Variants in NUB1 observed in about 807,000 individuals in gnomAD.
NUB1 encodes the protein NEDD8 ultimate buster 1.
In NUB1, 41 loss-of-function variants were observed where a neutral mutation model predicts 77.1. The ratio of observed to expected loss-of-function variants is 0.53; its 90% confidence interval spans 0.41 to 0.69. The LOEUF is 0.69. Among genes scored for constraint, NUB1 ranks in the 30% least tolerant of loss-of-function variants. NUB1 has a pLI of 0.00. For missense variants in NUB1, 643 were observed against 743.8 expected (o/e 0.86, Z 1.58); for synonymous variants, 257 against 281.0 (o/e 0.91, Z 0.85).
At chr7:151,346,397 G>A (rs1004442179) in intron 2 of NUB1, among the ~76,000 whole-genome samples, 1 of 152,210 alleles carries the variant, frequency 6.6e-6, no homozygotes, top group African/African-American at 2.4e-5. Context: ...TAAGTGGTAA[G>A]CATGATAGGA....
intron 6 of NUB1, 82 bp downstream of exon 6, chr7:151,356,032 A>G: frequency 1.9e-6 from 3 of 1,550,124 alleles, no homozygotes; most frequent in Non-Finnish European, 2.7e-6. Flanking sequence ...CATGGCTCTC[A>G]CTGAGTCTCA....
At chr7:151,361,519 C>T (rs943290926) in intron 8 of NUB1, among the ~76,000 whole-genome samples, 4 of 152,168 alleles carry the variant, frequency 2.6e-5, no homozygotes, top group East Asian at 1.9e-4. Context: ...TCATGGGAAA[C>T]GGTACTAAGA....
At position 151,347,325 on chromosome 7, in the gene NUB1, C is replaced by T. The variant is rs944522990; in HGVS notation, c.118-1748C>T. Among the ~76,000 whole-genome samples, 7 of 152,138 alleles carry T rather than the reference C, an allele frequency of 4.6e-5. No homozygotes were observed. The East Asian group carries it at 1.4e-3, about 29-fold the overall frequency. ...GCTAAGGCAGGAGGATCACTTGAACCCGGGAGTTGGAGACTGTAGTATGCT... is the reference window on the plus strand; with the variant it reads ...GCTAAGGCAGGAGGATCACTTGAACTCGGGAGTTGGAGACTGTAGTATGCT... On this transcript the variant is annotated intron_variant, in intron 2 of 14. Transcript: ENST00000568733.
chr7:151,376,737 G>T lies in NUB1; in HGVS notation c.1595G>T (p.Ser532Ile). ...CAGACCCTTGCTCACAACGGAGGAA[G>T]CCTGCCTCCCGAGCTGCCGCTGTCG... is the stretch of plus-strand genomic sequence containing the variant. The part of the protein sequence containing the change: ...AAQTLAHNGG[S>I]LPPELPLSPE... The change falls in exon 14 of 15, where the codon AGC (serine) becomes ATC (isoleucine). Residue 532 changes from serine (S) to isoleucine (I), a missense_variant. Ser to Ile is a moderately radical substitution (Grantham distance 142). Coordinates refer to ENST00000568733, the MANE Select transcript of NUB1 (RefSeq NM_001243351.2). 6.2e-7 allele frequency: 1 copy of T among 1,600,796 alleles called. No individual in the cohort carries two copies.
intron 5 of NUB1, among the ~76,000 whole-genome samples, chr7:151,353,408 A>G (rs1161225300): frequency 6.6e-6 from 1 of 152,120 alleles, no homozygotes; most frequent in African/African-American, 2.4e-5. Flanking sequence ...GTCTGGAGAC[A>G]TTTGTGGTGC....
chr7:151,360,628 A>AT (rs137968562), intron 8 of NUB1: 21,817 of 156,412 alleles, frequency 0.14, 2,316 homozygotes, highest in African/African-American at 0.31. Flanking sequence ...TTCTGTACTT[A>AT]TTTTTTTTGA....
intron 4 of NUB1, chr7:151,352,313 T>A (rs190495011): frequency 2.8e-6 from 1 of 352,428 alleles, no homozygotes; most frequent in African/African-American, 2.1e-5. Context: ...AAAAGGACCT[T>A]GTCTCCTACA....
chr7:151,376,931 C>T (rs967255870), intron 14 of NUB1, 116 bp from the exon 15 acceptor site: 24 of 1,404,776 alleles, frequency 1.7e-5, no homozygotes, highest in Middle Eastern at 3.7e-4. Flanking sequence ...GTCACCGGGC[C>T]GGCCACCTGG....
At chr7:151,364,150 C>T (rs1330183007) in intron 8 of NUB1, among the ~76,000 whole-genome samples, 2 of 144,486 alleles carry the variant, frequency 1.4e-5, no homozygotes, top group South Asian at 2.5e-4. Flanking sequence ...TGGCCGGGCG[C>T]GGTGGCTCAC....
In NUB1 at chr7:151,344,949, G is replaced by A. The variant is rs1005729169; in HGVS notation, c.-2-399G>A. 3.9e-5 allele frequency among the ~76,000 whole-genome samples: 6 copies of A among 152,100 alleles called. No individual in the cohort carries two copies. The East Asian group carries it at 7.7e-4, about 20-fold the overall frequency. ...CAGGGGGCGGAGCTTGCAGTGAGCCGAGATCGCACCACTGCACTCCAGCCT... is the reference window on the plus strand; with the variant it reads ...CAGGGGGCGGAGCTTGCAGTGAGCCAAGATCGCACCACTGCACTCCAGCCT... On this transcript the variant is annotated intron_variant, in intron 1 of 14. Coordinates refer to ENST00000568733, the MANE Select transcript of NUB1 (RefSeq NM_001243351.2).
In NUB1 at chr7:151,365,258, A is replaced by G. The variant is rs138200453; in HGVS notation, c.801-1681A>G. On this transcript the variant is annotated intron_variant, in intron 8 of 14. Transcript: ENST00000568733. ...AAAGGATGACATGTACCCCTCTAAT[A>G]TGAGACCTCTGCTTTGGGTTTTTTG... 6.3e-4 allele frequency among the ~76,000 whole-genome samples: 96 copies of G among 151,628 alleles called. No individual in the cohort carries two copies. In the East Asian group the frequency reaches 0.016, roughly 26 times the overall value.
Position 151,356,079 on chromosome 7 carries a change from A to G in NUB1, c.599-49A>G. 3.2e-6 allele frequency: 5 copies of G among 1,565,528 alleles called. No individual in the cohort carries two copies. In the South Asian group the frequency reaches 3.3e-5, roughly 10 times the overall value. On this transcript the variant is annotated intron_variant, in intron 6 of 14. Coordinates refer to ENST00000568733, the MANE Select transcript of NUB1 (RefSeq NM_001243351.2). ...TAACATTTTTAAGGCTGTCATCATC[A>G]TAACTGTTTAACATTGAGTTCATGG...
At position 151,363,634 on chromosome 7, in the gene NUB1, A is replaced by T. The variant is rs116449107; in HGVS notation, c.801-3305A>T. On this transcript the variant is annotated intron_variant, in intron 8 of 14. Coordinates refer to ENST00000568733, the MANE Select transcript of NUB1 (RefSeq NM_001243351.2). The stretch of plus-strand genomic sequence containing the variant: ...AAACTATAAACCCCCAGATGCAATG[A>T]CTTTAATGACCCCAAGTACAAGAAA... Among the ~76,000 whole-genome samples, 1,019 of 152,294 alleles carry T rather than the reference A, an allele frequency of 6.7e-3. 10 individuals carry two copies. The highest frequency in any genetic ancestry group is 0.024 in the African/African-American group (987 of 41,546).
intron 9 of NUB1, among the ~76,000 whole-genome samples, chr7:151,367,401 C>CT (rs1240774324): frequency 6.6e-6 from 1 of 152,154 alleles, no homozygotes; most frequent in Non-Finnish European, 1.5e-5. Flanking sequence ...GAGCTGCTGA[C>CT]TTCTTTATAT....
intron 3 of NUB1, chr7:151,351,169 C>G (rs1358461978): frequency 2.3e-6 from 1 of 438,178 alleles, no homozygotes; most frequent in Admixed American, 4.4e-5. Flanking sequence ...ATGTTAAAGA[C>G]GTCCAGCTGT....
chr7:151,351,246 G>A, intron 3 of NUB1, 178 bp from the exon 4 acceptor site: 1 of 599,816 alleles, frequency 1.7e-6, no homozygotes, highest in Non-Finnish European at 3.0e-6. Context: ...AGGACGTGCA[G>A]GTCACAGGGT....
intron 8 of NUB1, among the ~76,000 whole-genome samples, chr7:151,366,517 C>G (rs957505104): frequency 2.8e-4 from 19 of 68,286 alleles, no homozygotes; most frequent in Non-Finnish European, 5.7e-4. Flanking sequence ...ATCAATGATT[C>G]TTAAAGAAAG....
intron 2 of NUB1, among the ~76,000 whole-genome samples, chr7:151,348,356 A>G (rs1212435937): frequency 6.6e-6 from 1 of 151,970 alleles, no homozygotes; most frequent in Non-Finnish European, 1.5e-5. Context: ...TGTTCTCACA[A>G]GTTTGAAAAA....
chr7:151,353,528 C>T (rs13226693), intron 5 of NUB1, among the ~76,000 whole-genome samples: 6,820 of 152,256 alleles, frequency 0.045, 619 homozygotes, highest in East Asian at 0.33. Context: ...AAGACTTGTC[C>T]AGTCCCAGAT....
Sources: allele counts gnomAD v4.1 joint callset (sites outside exome capture counted in the v4.1 genomes callset), GRCh38; gene constraint gnomAD v4.1.1; transcripts MANE v1.5; gene names NCBI Gene and HGNC (gene_info 2026-07-23, HGNC 2026-07-21).